The following DLGAP2 variants were observed in gnomAD, a reference collection of about 807,000 sequenced individuals.
DLGAP2 encodes DLG associated protein 2.
In DLGAP2, 26 loss-of-function variants were observed where a neutral mutation model predicts 100.3. The observed-to-expected ratio is 0.26, with a 90% CI of 0.19 to 0.36. The LOEUF is 0.36. DLGAP2 is among the 10% of genes least tolerant of loss of function. The probability of loss-of-function intolerance (pLI) is 1.00; values close to 1 mark genes in which losing one functional copy is unlikely to be tolerated. For missense variants in DLGAP2, 1,858 were observed against 1,453.2 expected (o/e 1.28, Z -4.53); for synonymous variants, 886 against 630.1 (o/e 1.41, Z -6.08).
intron 2 of DLGAP2, chr8:1,019,127 T>C (rs931677648): frequency 6.6e-6 from 1 of 152,184 alleles, no homozygotes; most frequent in African/African-American, 2.4e-5. Flanking sequence ...CACGCCAGCA[T>C]TATCACGGCA....
chr8:1,271,322 A>G (rs1429771453), intron 3 of DLGAP2, among the ~76,000 whole-genome samples: 1 of 152,114 alleles, frequency 6.6e-6, no homozygotes, highest in African/African-American at 2.4e-5. Flanking sequence ...GGGTGCGCCC[A>G]TTTCAATGCG....
chr8:905,609 A>T (rs1184238669), intron 1 of DLGAP2, among the ~76,000 whole-genome samples: 1 of 152,094 alleles, frequency 6.6e-6, no homozygotes, highest in Non-Finnish European at 1.5e-5. Context: ...CCCTGACCCT[A>T]AAGGAGTCCC....
chr8:1,242,113 G>A (rs1345277742), intron 2 of DLGAP2, among the ~76,000 whole-genome samples: 1 of 152,182 alleles, frequency 6.6e-6, no homozygotes. Flanking sequence ...AAGGCACCAT[G>A]GCAGGAACAG....
intron 8 of DLGAP2, among the ~76,000 whole-genome samples, chr8:1,657,443 A>T (rs1213965470): frequency 6.6e-6 from 1 of 152,224 alleles, no homozygotes; most frequent in East Asian, 1.9e-4. Flanking sequence ...ACACCATCCA[A>T]CTGAATGGCT....
chr8:1,311,744 A>T (rs993920097), intron 3 of DLGAP2, among the ~76,000 whole-genome samples: 1 of 152,134 alleles, frequency 6.6e-6, no homozygotes, highest in Non-Finnish European at 1.5e-5. Context: ...TAGAAGGAAA[A>T]TTTCTCAGTA....
chr8:1,274,455 G>A (rs1304542524), intron 3 of DLGAP2, among the ~76,000 whole-genome samples: 1 of 147,348 alleles, frequency 6.8e-6, no homozygotes, highest in Non-Finnish European at 1.5e-5. Context: ...TAAAATGAGT[G>A]ACTTTGGATT....
At chr8:800,298 T>G (rs1174064954) in intron 1 of DLGAP2, among the ~76,000 whole-genome samples, 2 of 152,228 alleles carry the variant, frequency 1.3e-5, no homozygotes, top group East Asian at 1.9e-4. Flanking sequence ...CTTTAAAGAT[T>G]AGAGGGCAAA....
intron 3 of DLGAP2, among the ~76,000 whole-genome samples, chr8:1,371,607 A>G (rs1802239433): frequency 6.6e-6 from 1 of 152,204 alleles, no homozygotes; most frequent in African/African-American, 2.4e-5. Context: ...GAATTTGAAG[A>G]TCTTTTATGT....
At chr8:1,690,645 A>G (rs1799234400) in intron 12 of DLGAP2, among the ~76,000 whole-genome samples, 2 of 140,914 alleles carry the variant, frequency 1.4e-5, no homozygotes, top group Non-Finnish European at 3.0e-5. Flanking sequence ...TGGAGGTTGC[A>G]GTGAGCCAGG....
chr8:753,073 A>G (rs1034619452), intron 1 of DLGAP2, among the ~76,000 whole-genome samples: 1 of 152,212 alleles, frequency 6.6e-6, no homozygotes, highest in African/African-American at 2.4e-5. Context: ...AAGTGTTACC[A>G]TGTGTCTTGC....
chr8:969,095 G>A (rs11994548), intron 2 of DLGAP2, among the ~76,000 whole-genome samples: 1 of 152,140 alleles, frequency 6.6e-6, no homozygotes, highest in African/African-American at 2.4e-5. Context: ...CTGGATGAGA[G>A]TCTCATGATA....
chr8:1,487,372 C>A (rs1024822473), intron 3 of DLGAP2, among the ~76,000 whole-genome samples: 3 of 152,076 alleles, frequency 2.0e-5, no homozygotes, highest in Non-Finnish European at 4.4e-5. Context: ...AAGAAAACAA[C>A]CAACCACAAA....
chr8:746,304 GAGTTACTCATATTAACTCATA>G (rs1219468666), intron 1 of DLGAP2, among the ~76,000 whole-genome samples: 1 of 152,242 alleles, frequency 6.6e-6, no homozygotes, highest in East Asian at 1.9e-4. Flanking sequence ...ACTGCTGGGC[GAGTTACTCATATTAACTCATA>G]GAATTCTCAT....
intron 4 of DLGAP2, among the ~76,000 whole-genome samples, chr8:1,534,787 T>C (rs554943681): frequency 2.2e-3 from 334 of 152,216 alleles, no homozygotes; most frequent in South Asian, 3.7e-3. Flanking sequence ...CGTGTACGTG[T>C]GTGAGTGTAA....
chr8:1,240,247 C>G (rs1292038219), intron 2 of DLGAP2, among the ~76,000 whole-genome samples: 1 of 120,836 alleles, frequency 8.3e-6, no homozygotes, highest in Non-Finnish European at 1.9e-5. Flanking sequence ...GGCGCCGTGT[C>G]TAGTTCTCTT....
chr8:1,040,619 GTCGGCTCGA>G (rs1802317028), intron 2 of DLGAP2, among the ~76,000 whole-genome samples: 1 of 150,270 alleles, frequency 6.7e-6, no homozygotes, highest in African/African-American at 2.5e-5. Context: ...GGTGTGCGTG[GTCGGCTCGA>G]TTTCCGTGGT....
At chr8:843,360 G>C (rs34124302) in intron 1 of DLGAP2, among the ~76,000 whole-genome samples, 16,517 of 152,244 alleles carry the variant, frequency 0.11, 1,479 homozygotes, top group East Asian at 0.52. Context: ...TTCCTGGAAG[G>C]GCGGTGTGGC....
chr8:1,290,977 T>G (rs1800044766), intron 3 of DLGAP2, among the ~76,000 whole-genome samples: 1 of 152,156 alleles, frequency 6.6e-6, no homozygotes. Flanking sequence ...GCCACAGAAC[T>G]TTTTCTAGTA....
At chr8:1,294,005 C>T (rs971977356) in intron 3 of DLGAP2, among the ~76,000 whole-genome samples, 2 of 152,204 alleles carry the variant, frequency 1.3e-5, no homozygotes, top group African/African-American at 4.8e-5. Context: ...GTCTCGGAGC[C>T]CACACGTGAA....
Sources: allele counts gnomAD v4.1 joint callset (sites outside exome capture counted in the v4.1 genomes callset), GRCh38; gene constraint gnomAD v4.1.1; transcripts MANE v1.5; gene names NCBI Gene and HGNC (gene_info 2026-07-23, HGNC 2026-07-21).